Variants in ENTREP2 observed in about 807,000 individuals in gnomAD.
ENTREP2 encodes protein ENTREP2.
At chr15:29,564,284 G>C in the ENTREP2 span, among the ~76,000 whole-genome samples, 3 of 152,202 alleles carry the variant, frequency 2.0e-5, no homozygotes, top group Non-Finnish European at 4.4e-5. Flanking sequence ...TCCAGCTCTA[G>C]AACTTTGAAG....
the ENTREP2 span, among the ~76,000 whole-genome samples, chr15:29,583,702 C>CA: frequency 6.6e-6 from 1 of 152,096 alleles, no homozygotes; most frequent in South Asian, 2.1e-4. Flanking sequence ...CATCAATGTG[C>CA]AAAAATTCAA....
chr15:29,510,443 T>G, the ENTREP2 span, among the ~76,000 whole-genome samples: 3 of 152,294 alleles, frequency 2.0e-5, no homozygotes, highest in East Asian at 5.8e-4. Flanking sequence ...TAAAGACACA[T>G]GCACATGTAT....
At chr15:29,347,049 C>T in the ENTREP2 span, among the ~76,000 whole-genome samples, 73 of 152,282 alleles carry the variant, frequency 4.8e-4, no homozygotes, top group African/African-American at 1.7e-3. Flanking sequence ...ATGTCAGAAC[C>T]GCCTCATACA....
At chr15:29,341,976 C>T in the ENTREP2 span, among the ~76,000 whole-genome samples, 1 of 152,140 alleles carries the variant, frequency 6.6e-6, no homozygotes, top group Admixed American at 6.5e-5. Flanking sequence ...TGACAGAATC[C>T]TATTTACATC....
chr15:29,491,710 A>G, the ENTREP2 span, among the ~76,000 whole-genome samples: 1 of 152,204 alleles, frequency 6.6e-6, no homozygotes, highest in Non-Finnish European at 1.5e-5. Context: ...AAGGTAAAGG[A>G]AAAAACATGA....
the ENTREP2 span, chr15:29,123,671 A>C: frequency 6.5e-7 from 1 of 1,543,466 alleles, no homozygotes; most frequent in Non-Finnish European, 8.8e-7. Context: ...AATCAAGGGC[A>C]AAAGTGCAGT....
chr15:29,176,953 C>T, the ENTREP2 span, among the ~76,000 whole-genome samples: 1 of 152,212 alleles, frequency 6.6e-6, no homozygotes, highest in Non-Finnish European at 1.5e-5. Flanking sequence ...ACTGCCCTCT[C>T]TTCCCTGCTA....
the ENTREP2 span, among the ~76,000 whole-genome samples, chr15:29,257,222 C>T: frequency 1.0e-2 from 1,514 of 152,084 alleles, 26 homozygotes; most frequent in African/African-American, 0.035. Context: ...TACAGGCATG[C>T]GCCACCACAC....
chr15:29,666,410 C>T, the ENTREP2 span, among the ~76,000 whole-genome samples: 3 of 151,990 alleles, frequency 2.0e-5, no homozygotes, highest in East Asian at 5.8e-4. Flanking sequence ...TACACCTCCC[C>T]CCACTCACCC....
chr15:29,127,884 G>A, the ENTREP2 span, among the ~76,000 whole-genome samples: 3,473 of 152,316 alleles, frequency 0.023, 131 homozygotes, highest in African/African-American at 0.078. Context: ...ACCCTGGGTT[G>A]GCCGTGGGAA....
chr15:29,628,157 G>C, the ENTREP2 span, among the ~76,000 whole-genome samples: 1 of 152,278 alleles, frequency 6.6e-6, no homozygotes, highest in Middle Eastern at 3.4e-3. Context: ...TTTTCAATTT[G>C]GGAGGATAAT....
chr15:29,246,541 C>T, the ENTREP2 span, among the ~76,000 whole-genome samples: 8 of 151,730 alleles, frequency 5.3e-5, no homozygotes, highest in Non-Finnish European at 8.8e-5. Context: ...CAAAAAAATA[C>T]CAAAAAAATG....
At chr15:29,153,472 C>T in the ENTREP2 span, among the ~76,000 whole-genome samples, 1 of 152,130 alleles carries the variant, frequency 6.6e-6, no homozygotes, top group African/African-American at 2.4e-5. Context: ...GGCAGGGGAG[C>T]TCTCTGGTGC....
chr15:29,574,485 G>A, the ENTREP2 span, among the ~76,000 whole-genome samples: 1 of 152,254 alleles, frequency 6.6e-6, no homozygotes, highest in African/African-American at 2.4e-5. Context: ...GTAGAGACAA[G>A]GTTTCACCAT....
chr15:29,305,300 A>G, the ENTREP2 span, among the ~76,000 whole-genome samples: 1,086 of 152,346 alleles, frequency 7.1e-3, 9 homozygotes, highest in African/African-American at 0.025. Context: ...TCAGAAGACT[A>G]TTCTGAGTGA....
At chr15:29,200,184 A>C in the ENTREP2 span, among the ~76,000 whole-genome samples, 1 of 148,952 alleles carries the variant, frequency 6.7e-6, no homozygotes, top group East Asian at 2.0e-4. Flanking sequence ...CTCCATATAC[A>C]TTTTTTTTTT....
chr15:29,304,475 A>G, the ENTREP2 span, among the ~76,000 whole-genome samples: 1 of 152,236 alleles, frequency 6.6e-6, no homozygotes, highest in Non-Finnish European at 1.5e-5. Flanking sequence ...AATAGAAATT[A>G]ACACTAAGAA....
the ENTREP2 span, among the ~76,000 whole-genome samples, chr15:29,417,925 T>C: frequency 6.6e-6 from 1 of 152,290 alleles, no homozygotes; most frequent in South Asian, 2.1e-4. Flanking sequence ...TAGAGCTACA[T>C]TCCACAAAGC....
At chr15:29,346,009 G>A in the ENTREP2 span, among the ~76,000 whole-genome samples, 2 of 152,158 alleles carry the variant, frequency 1.3e-5, no homozygotes, top group Non-Finnish European at 2.9e-5. Flanking sequence ...AGAGGAAACT[G>A]GGGCACAGAG....
Sources: allele counts gnomAD v4.1 joint callset (sites outside exome capture counted in the v4.1 genomes callset), GRCh38; gene constraint gnomAD v4.1.1; transcripts MANE v1.5; gene names NCBI Gene and HGNC (gene_info 2026-07-23, HGNC 2026-07-21).